Variants in ESR2 observed in about 807,000 individuals in gnomAD.
The protein encoded by ESR2 is estrogen receptor beta.
ESR2 carries 36 observed loss-of-function variants against 49.6 expected under a neutral mutation model. The observed-to-expected ratio is 0.73, with a 90% CI of 0.56 to 0.96. The LOEUF is 0.96. Ranked by LOEUF, ESR2 falls within the 40% of genes least tolerant of loss-of-function variation. ESR2 has a pLI of 0.00. For synonymous variants in ESR2, 320 were observed against 266.1 expected (o/e 1.20, Z -1.97); for missense variants, 714 against 693.0 (o/e 1.03, Z -0.34).
chr14:64,275,956 G>A (rs1263041844), intron 3 of ESR2, among the ~76,000 whole-genome samples: 1 of 152,140 alleles, frequency 6.6e-6, no homozygotes, highest in Non-Finnish European at 1.5e-5. Context: ...TAAGTAAAAT[G>A]ATGTGGAGAA....
chr14:64,265,946 G>A (rs576064510), intron 4 of ESR2, among the ~76,000 whole-genome samples: 172 of 152,226 alleles, frequency 1.1e-3, no homozygotes, highest in African/African-American at 4.0e-3. Flanking sequence ...GAAGAGTGAT[G>A]GGAAAGGAGA....
At chr14:64,305,083 G>T (rs1392367764) in intron 1 of ESR2, among the ~76,000 whole-genome samples, 2 of 151,930 alleles carry the variant, frequency 1.3e-5, no homozygotes, top group African/African-American at 4.8e-5. Flanking sequence ...AAGGTCAGGA[G>T]ATCGAGACCA....
At chr14:64,328,736 A>T (rs886801721) in intron 1 of ESR2, among the ~76,000 whole-genome samples, 1 of 152,234 alleles carries the variant, frequency 6.6e-6, no homozygotes, top group Non-Finnish European at 1.5e-5. Context: ...TACTCAAGGC[A>T]GACAGCAAAG....
At chr14:64,295,206 A>C (rs961249898), upstream of ESR2, among the ~76,000 whole-genome samples, 1 of 149,360 alleles carries the variant, frequency 6.7e-6, no homozygotes, top group African/African-American at 2.5e-5. Context: ...AGAACCCCCC[A>C]GTGTCACATC....
intron 6 of ESR2, among the ~76,000 whole-genome samples, chr14:64,256,492 G>A (rs550985147): frequency 9.3e-4 from 141 of 152,340 alleles, no homozygotes; most frequent in South Asian, 4.6e-3. Context: ...GCTTTGGGAA[G>A]CTGAGGTGGG....
Position 64,231,625 on chromosome 14 carries a change from G to C in ESR2, c.*1512C>G, listed in dbSNP as rs907762307. The C allele has an allele frequency of 6.6e-6, 1 of 152,204 alleles. No individual in the cohort carries two copies. The highest frequency in any genetic ancestry group is 2.4e-5 in the African/African-American group (1 of 41,452). The allele number at this position is 152,204 out of a possible 1,614,324, so 9.4% of individuals were successfully genotyped here. On this transcript the variant is annotated 3_prime_UTR_variant, in exon 9 of 9. Transcript: ENST00000341099. ...ACCAGTCTTGGTAACACTGAATGCA[G>C]TCTTCCTAATGACTTAGTAAATACA... is the stretch of plus-strand genomic sequence containing the variant.
chr14:64,333,002 G>C (rs949321948), intron 1 of ESR2, among the ~76,000 whole-genome samples: 1 of 149,916 alleles, frequency 6.7e-6, no homozygotes, highest in African/African-American at 2.4e-5. Flanking sequence ...TCAGCCTCCC[G>C]AGTAGCTGGG....
chr14:64,261,225 T>TTC (rs1240127054), intron 4 of ESR2, among the ~76,000 whole-genome samples: 1 of 122,498 alleles, frequency 8.2e-6, no homozygotes, highest in Non-Finnish European at 1.6e-5. Context: ...TTAATGCTTT[T>TTC]ATTTTTCTTT....
chr14:64,334,791 C>T (rs994955945), intron 1 of ESR2, among the ~76,000 whole-genome samples: 3 of 152,210 alleles, frequency 2.0e-5, no homozygotes, highest in African/African-American at 4.8e-5. Context: ...AGATTAAAGG[C>T]GTGTGACGCC....
intron 1 of ESR2, among the ~76,000 whole-genome samples, chr14:64,309,630 G>A (rs1416314859): frequency 7.8e-6 from 1 of 127,592 alleles, no homozygotes; most frequent in Admixed American, 7.7e-5. Flanking sequence ...AGAGAATCTT[G>A]CGTCAAGTGA....
At position 64,289,868 on chromosome 14, in the gene ESR2, G is replaced by A. The variant is rs561684965; in HGVS notation, c.-91+4165C>T. 5.3e-5 allele frequency among the ~76,000 whole-genome samples: 8 copies of A among 152,252 alleles called. No individual in the cohort carries two copies. The South Asian group carries it at 1.5e-3, about 28-fold the overall frequency. ...CTAGGAGGATAAGAATAGAGGATAAGTCCTCATCCCTATTCTTCTTCCACC... is the reference window on the plus strand; with the variant it reads ...CTAGGAGGATAAGAATAGAGGATAAATCCTCATCCCTATTCTTCTTCCACC... On this transcript the variant is annotated intron_variant, in intron 1 of 8. Coordinates refer to ENST00000341099, the MANE Select transcript of ESR2 (RefSeq NM_001437.3).
Position 64,282,910 on chromosome 14 carries a change from C to A in ESR2, c.76G>T (p.Glu26Ter), listed in dbSNP as rs757286052. 6 of 1,613,936 alleles carry A rather than the reference C, an allele frequency of 3.7e-6. No homozygotes were observed. Among genetic ancestry groups the A allele is most frequent in the Non-Finnish European group, 5.1e-6 (6 of 1,179,976 alleles). Residue 26 changes from glutamate to a stop codon, truncating the protein, a stop_gained, in exon 2 of 9, where the codon GAG (glutamate) becomes TAG (stop). Transcript: ENST00000341099. LOFTEE classifies it high-confidence loss of function. ...YNCSQSILPL[E>*]HGSIYIPSSY... is the part of the protein sequence containing the mutation. ...GAAGGTATGTATATGGAGCCGTGCT[C>A]CAGGGGTAAGATGGATTGACTGCAG...
rs184361071 is a variant in ESR2, at chr14:64,262,024, T to C, written c.653-1276A>G. ...GGGCATTAAAAATCATTTTTAATGT[T>C]TGCTAATCTAACTAAACCATCTCGC... On this transcript the variant is annotated intron_variant, in intron 4 of 8. Transcript: ENST00000341099. 9.2e-5 allele frequency among the ~76,000 whole-genome samples: 14 copies of C among 152,360 alleles called. No individual in the cohort carries two copies. The East Asian group carries it at 2.5e-3, about 27-fold the overall frequency.
downstream of ESR2, chr14:64,227,518 G>T: frequency 6.2e-7 from 1 of 1,613,630 alleles, no homozygotes; most frequent in Non-Finnish European, 8.5e-7. Context: ...TTAGGCCACC[G>T]AGTTGATTAG....
chr14:64,260,715 A>C lies in ESR2; in HGVS notation c.686T>G (p.Val229Gly), dbSNP rs199669101. Residue 229 changes from valine (V) to glycine (G), a missense_variant, in exon 5 of 9, where the codon GTG (valine) becomes GGG (glycine). Val to Gly is a moderately radical substitution (Grantham distance 109, BLOSUM62 -3). Coordinates refer to ENST00000341099, the MANE Select transcript of ESR2 (RefSeq NM_001437.3). ...SRRERCGYRL[V>G]RRQRSADEQL... ...CTCGTCGGCACTTCTCTGTCTCCGC[A>C]CAAGGCGGTACCCACATCTCTCTCT... 2.0e-6 allele frequency: 3 copies of C among 1,533,188 alleles called. No individual in the cohort carries two copies. The highest frequency in any genetic ancestry group is 2.5e-5 in the South Asian group (2 of 79,614). 95.0% of individuals were successfully genotyped at this position (1,533,188 alleles called of 1,614,324 possible).
At chr14:64,306,493 A>G (rs191910906) in intron 1 of ESR2, among the ~76,000 whole-genome samples, 2 of 152,330 alleles carry the variant, frequency 1.3e-5, no homozygotes, top group East Asian at 3.9e-4. Flanking sequence ...CTGAGTTTTT[A>G]TTAGGAACGG....
chr14:64,319,619 C>G (rs1454110243), intron 1 of ESR2, among the ~76,000 whole-genome samples: 1 of 152,122 alleles, frequency 6.6e-6, no homozygotes, highest in Non-Finnish European at 1.5e-5. Context: ...GGCAAAAGTT[C>G]TGAACAAAAG....
At chr14:64,313,888 AAAAAGAAAG>A (rs1412040158) in intron 1 of ESR2, among the ~76,000 whole-genome samples, 2 of 151,848 alleles carry the variant, frequency 1.3e-5, no homozygotes, top group African/African-American at 4.8e-5. Flanking sequence ...CAAAAAAAAA[AAAAAGAAAG>A]AAAGAAAGAA....
rs556956556 is a variant in ESR2, at chr14:64,268,816, C to T, written c.631G>A (p.Glu211Lys). The part of the protein sequence containing the change: ...CQACRLRKCY[E>K]VGMVKCGSRR... ...TCACCACACTTCACCATTCCCACTT[C>T]GTAACACTTCCGAAGTCGGCAGGCC... The change falls in exon 4 of 9, where the codon GAA becomes AAA. Residue 211 changes from glutamate to lysine, a missense_variant. Physicochemically the swap from Glu to Lys is moderately conservative, Grantham distance 56. Coordinates refer to ENST00000341099, the MANE Select transcript of ESR2 (RefSeq NM_001437.3). 6.8e-6 allele frequency: 11 copies of T among 1,612,182 alleles called. No homozygotes were observed. Among genetic ancestry groups the T allele is most frequent in the Middle Eastern group, 1.7e-4 (1 of 6,060 alleles).
Sources: gnomAD v4.1 joint callset for allele counts (sites outside exome capture counted in the v4.1 genomes callset) on GRCh38, gnomAD v4.1.1 for gene constraint, MANE v1.5 for transcripts, NCBI Gene and HGNC (gene_info 2026-07-23, HGNC 2026-07-21) for gene names.